Variants in COPS2 observed in about 807,000 individuals in gnomAD.
The protein encoded by COPS2 is COP9 signalosome complex subunit 2.
In COPS2, 10 loss-of-function variants were observed where a neutral mutation model predicts 66.1. That is an observed-to-expected ratio of 0.15 (90% CI 0.09 to 0.26). COPS2 has a LOEUF of 0.26. Ranked by LOEUF, COPS2 falls within the 10% of genes least tolerant of loss-of-function variation. The pLI is 1.00. For synonymous variants in COPS2, 179 were observed against 171.3 expected, an observed-to-expected ratio of 1.04 and a Z score of -0.35; for missense variants, 215 against 513.3, an observed-to-expected ratio of 0.42 and a Z score of 5.62.
chr15:49,128,840 A>G, intron 11 of COPS2, 80 bp from the exon 12 acceptor site: 1 of 952,278 alleles, frequency 1.1e-6, no homozygotes, highest in South Asian at 1.5e-5. Context: ...ATTTTAATTC[A>G]TTTCTATCAC....
At chr15:49,140,165 T>A (rs2084281702) in intron 3 of COPS2, among the ~76,000 whole-genome samples, 1 of 151,938 alleles carries the variant, frequency 6.6e-6, no homozygotes, top group Non-Finnish European at 1.5e-5. Context: ...TTTGTATTTT[T>A]TTTTTTTTTA....
chr15:49,153,807 T>C (rs748329653), intron 1 of COPS2, among the ~76,000 whole-genome samples: 8 of 152,016 alleles, frequency 5.3e-5, no homozygotes, highest in Non-Finnish European at 7.4e-5. Flanking sequence ...TATCACATGT[T>C]CTCACTCAGA....
chr15:49,145,629 G>A (rs1281558905), intron 1 of COPS2, among the ~76,000 whole-genome samples: 1 of 151,990 alleles, frequency 6.6e-6, no homozygotes, highest in African/African-American at 2.4e-5. Context: ...TACAACAGCT[G>A]TTTATACTAA....
At chr15:49,133,872 A>G in intron 8 of COPS2, 58 bp downstream of exon 8, 1 of 1,550,880 alleles carries the variant, frequency 6.4e-7, no homozygotes. Context: ...TTAAAAAAAG[A>G]AATAACATTT....
intron 1 of COPS2, among the ~76,000 whole-genome samples, chr15:49,150,205 G>T (rs535573882): frequency 6.8e-6 from 1 of 147,586 alleles, no homozygotes; most frequent in Non-Finnish European, 1.5e-5. Context: ...TGAGAATCAC[G>T]CCACTGCACT....
intron 4 of COPS2, among the ~76,000 whole-genome samples, chr15:49,138,384 C>T (rs1022774665): frequency 9.2e-5 from 14 of 152,142 alleles, no homozygotes; most frequent in Admixed American, 7.2e-4. Flanking sequence ...TACCACCCAC[C>T]CAATATCTGT....
intron 4 of COPS2, among the ~76,000 whole-genome samples, chr15:49,138,284 A>G (rs2084267636): frequency 6.6e-6 from 1 of 152,144 alleles, no homozygotes. Flanking sequence ...AGGATCAAGA[A>G]GAGGACTGTA....
chr15:49,130,759 G>A lies in COPS2; in HGVS notation c.1005C>T (p.Ser335=), dbSNP rs781070923. The change falls in exon 10 of 13, where the codon AGC becomes AGT. Residue 335 remains serine (S), a synonymous_variant. Transcript: ENST00000388901. The part of the protein sequence containing the change: ...EFEKILKTNH[S]NIMDDPFIRE... ...TTATGAAAGGATCATCCATGATGTT[G>A]CTGTGATTTGTTTTTAGAATCTTTT... The A allele has an allele frequency of 4.4e-6, 7 of 1,605,422 alleles. No individual in the cohort carries two copies. The South Asian group carries it at 7.7e-5, about 18-fold the overall frequency.
At chr15:49,133,522 GA>G (rs2084229941) in intron 9 of COPS2, among the ~76,000 whole-genome samples, 1 of 151,438 alleles carries the variant, frequency 6.6e-6, no homozygotes. Context: ...TGCGTGCGCA[GA>G]CAGACAGACA....
intron 12 of COPS2, 32 bp downstream of exon 12, chr15:49,128,670 T>G (rs374503050): frequency 6.7e-7 from 1 of 1,489,298 alleles, no homozygotes; most frequent in Non-Finnish European, 9.2e-7. Flanking sequence ...CGGTACCAAA[T>G]ATTTTGTGAT....
In COPS2 at chr15:49,155,416, G is replaced by A. The variant is rs1022964936; in HGVS notation, c.54+109C>T. 1.0e-5 allele frequency: 10 copies of A among 976,082 alleles called. No individual in the cohort carries two copies. In the South Asian group the frequency reaches 1.3e-4, roughly 13 times the overall value. The allele number at this position is 976,082 out of a possible 1,614,324, so 60.5% of individuals were successfully genotyped here. A position where few individuals can be genotyped will look rare whatever the true frequency, so the allele number is the denominator to read the frequency against. On this transcript the variant is annotated intron_variant, in intron 1 of 12. Coordinates refer to ENST00000388901, the MANE Select transcript of COPS2 (RefSeq NM_004236.4). ...AACCAGTCCTGTCACCGCACTGAGAGAGGCTGTAAACGGCACATGCTCTAC... is the reference window on the plus strand; with the variant it reads ...AACCAGTCCTGTCACCGCACTGAGAAAGGCTGTAAACGGCACATGCTCTAC...
intron 6 of COPS2, among the ~76,000 whole-genome samples, 164 bp from the exon 7 acceptor site, chr15:49,134,678 A>G (rs752778109): frequency 3.9e-5 from 6 of 152,236 alleles, no homozygotes; most frequent in Non-Finnish European, 8.8e-5. Flanking sequence ...GTAATGGCCA[A>G]AAAGAAACTA....
At chr15:49,155,341 C>T (rs2084416775) in intron 1 of COPS2, among the ~76,000 whole-genome samples, 184 bp downstream of exon 1, 1 of 152,242 alleles carries the variant, frequency 6.6e-6, no homozygotes, top group Non-Finnish European at 1.5e-5. Context: ...TCCCTTCCCC[C>T]ATGCTGGAGA....
At chr15:49,147,116 G>A (rs560956134) in intron 1 of COPS2, among the ~76,000 whole-genome samples, 60 of 152,090 alleles carry the variant, frequency 3.9e-4, no homozygotes, top group African/African-American at 1.4e-3. Context: ...CTATGCCTTC[G>A]GAAATCAGCT....
intron 4 of COPS2, 156 bp downstream of exon 4, chr15:49,139,372 A>G (rs555285895): frequency 1.7e-6 from 1 of 596,226 alleles, no homozygotes; most frequent in Admixed American, 3.3e-5. Flanking sequence ...TCAGTAATAT[A>G]ACCAGGAAAA....
intron 1 of COPS2, among the ~76,000 whole-genome samples, chr15:49,152,772 G>A (rs1566887352): frequency 6.6e-6 from 1 of 152,094 alleles, no homozygotes; most frequent in East Asian, 1.9e-4. Flanking sequence ...GCAGTGAGCT[G>A]AGATTGTGCC....
chr15:49,136,936 C>T (rs1444151537), intron 6 of COPS2, among the ~76,000 whole-genome samples: 3 of 151,886 alleles, frequency 2.0e-5, no homozygotes, highest in African/African-American at 7.3e-5. Flanking sequence ...TTGCAGTGAG[C>T]CAAGATCGCA....
intron 3 of COPS2, among the ~76,000 whole-genome samples, chr15:49,143,123 AGAG>A (rs751058241): frequency 3.5e-4 from 54 of 152,350 alleles, no homozygotes; most frequent in Admixed American, 2.9e-3. Context: ...TATGGTTATC[AGAG>A]AAGAGCTTCT....
intron 4 of COPS2, chr15:49,137,734 A>C: frequency 4.2e-6 from 1 of 239,828 alleles, no homozygotes; most frequent in Non-Finnish European, 8.0e-6. Context: ...CAATCTAATA[A>C]TACATTCTGT....
Sources: gnomAD v4.1 joint callset for allele counts (sites outside exome capture counted in the v4.1 genomes callset) on GRCh38, gnomAD v4.1.1 for gene constraint, MANE v1.5 for transcripts, NCBI Gene and HGNC (gene_info 2026-07-23, HGNC 2026-07-21) for gene names.